The following CSMD1 variants were observed in gnomAD, a reference collection of about 807,000 sequenced individuals.
CSMD1 encodes the protein CUB and Sushi multiple domains 1.
A neutral mutation model predicts 417.5 loss-of-function variants in CSMD1; 213 were observed. That is an observed-to-expected ratio of 0.51 (90% confidence interval 0.46 to 0.57). CSMD1 has a LOEUF of 0.57. Among genes scored for constraint, CSMD1 ranks in the 20% least tolerant of loss-of-function variants. CSMD1 has a pLI of 0.00. For missense variants in CSMD1, 6,923 were observed against 4,529.7 expected (o/e 1.53, Z -15.17); for synonymous variants, 2,862 against 1,736.8 (o/e 1.65, Z -16.11).
intron 16 of CSMD1, among the ~76,000 whole-genome samples, chr8:3,396,927 G>A (rs747942065): frequency 6.6e-6 from 1 of 151,860 alleles, no homozygotes; most frequent in African/African-American, 2.4e-5. Flanking sequence ...ACTCTTTCAA[G>A]ACATTAGAAC....
intron 1 of CSMD1, among the ~76,000 whole-genome samples, chr8:4,738,981 G>A (rs1810426694): frequency 6.6e-6 from 1 of 151,252 alleles, no homozygotes; most frequent in South Asian, 2.1e-4. Flanking sequence ...CCTTCTCTTG[G>A]GAAAATAATC....
At chr8:3,644,350 G>T (rs942377162) in intron 7 of CSMD1, among the ~76,000 whole-genome samples, 1 of 152,194 alleles carries the variant, frequency 6.6e-6, no homozygotes, top group Admixed American at 6.5e-5. Flanking sequence ...CTTGTGTCAT[G>T]TCTGGCTCTA....
At chr8:4,029,868 T>C (rs955323590) in intron 4 of CSMD1, among the ~76,000 whole-genome samples, 1 of 151,520 alleles carries the variant, frequency 6.6e-6, no homozygotes, top group Non-Finnish European at 1.5e-5. Flanking sequence ...ATTGGGTAAA[T>C]ACAGCCATTC....
chr8:3,332,851 G>C (rs901050268), intron 23 of CSMD1, among the ~76,000 whole-genome samples: 2 of 152,160 alleles, frequency 1.3e-5, no homozygotes, highest in Non-Finnish European at 2.9e-5. Flanking sequence ...CCTTGAGTGT[G>C]GGCACAGTCT....
rs78815854 is a variant in CSMD1, at chr8:4,687,366, T to A, written c.86-49808A>T. On this transcript the variant is annotated intron_variant, in intron 1 of 69. Transcript: ENST00000635120. Reference sequence around the variant, plus strand: ...TCGAACAGGACTAAAGTACATTAAGTAACGTGATATAGCTTACAAATGTCA... The same window carrying A: ...TCGAACAGGACTAAAGTACATTAAGAAACGTGATATAGCTTACAAATGTCA... 3.5e-3 allele frequency among the ~76,000 whole-genome samples: 535 copies of A among 152,270 alleles called. 1 individual carries two copies. The highest frequency in any genetic ancestry group is 5.8e-3 in the Non-Finnish European group (395 of 68,024).
In CSMD1 at chr8:3,908,399, G is replaced by C. The variant is rs533049302; in HGVS notation, c.818+89504C>G. Among the ~76,000 whole-genome samples the C allele has an allele frequency of 2.6e-5, 4 of 152,138 alleles. No individual in the cohort carries two copies. The South Asian group carries it at 8.3e-4, about 31-fold the overall frequency. On this transcript the variant is annotated intron_variant, in intron 5 of 69. Coordinates refer to ENST00000635120, the MANE Select transcript of CSMD1 (RefSeq NM_033225.6). ...TTCCCAATGGGAATCTGATAAATTT[G>C]CATCAGCATTCTGTGGGAATGTAAG... is the stretch of plus-strand genomic sequence containing the variant.
chr8:3,960,195 C>A (rs1261787851), intron 5 of CSMD1, among the ~76,000 whole-genome samples: 2 of 152,122 alleles, frequency 1.3e-5, no homozygotes, highest in African/African-American at 4.8e-5. Flanking sequence ...GTGAATTTTT[C>A]TTTCAATCAT....
chr8:4,230,852 C>T (rs541036373), intron 3 of CSMD1, among the ~76,000 whole-genome samples: 10 of 152,078 alleles, frequency 6.6e-5, no homozygotes, highest in East Asian at 3.9e-4. Context: ...TAGGAACAAT[C>T]GATTATAGAT....
intron 3 of CSMD1, among the ~76,000 whole-genome samples, chr8:4,032,454 G>A (rs1379283016): frequency 2.0e-5 from 3 of 152,176 alleles, no homozygotes; most frequent in Non-Finnish European, 2.9e-5. Context: ...TCAGCAACCA[G>A]ACACAGTAGA....
At chr8:4,993,907 G>T (rs1168114895) in intron 1 of CSMD1, among the ~76,000 whole-genome samples, 1 of 152,082 alleles carries the variant, frequency 6.6e-6, no homozygotes, top group African/African-American at 2.4e-5. Flanking sequence ...GGCTTCACCC[G>T]GGACGCTTTC....
At chr8:3,158,849 A>C (rs550970497) in intron 38 of CSMD1, among the ~76,000 whole-genome samples, 1 of 152,268 alleles carries the variant, frequency 6.6e-6, no homozygotes, top group East Asian at 1.9e-4. Flanking sequence ...CAATTGAAAA[A>C]CAATATCTAA....
Position 3,732,546 on chromosome 8 carries a change from A to G in CSMD1, c.931+21384T>C, listed in dbSNP as rs148005126. On this transcript the variant is annotated intron_variant, in intron 6 of 69. Transcript: ENST00000635120. Reference sequence around the variant, plus strand: ...CTGAGACTCTGTATAATTTCTTAGTACATTCTACTAAACACCCTGACTTTA... The same window carrying G: ...CTGAGACTCTGTATAATTTCTTAGTGCATTCTACTAAACACCCTGACTTTA... 3.6e-3 allele frequency among the ~76,000 whole-genome samples: 547 copies of G among 152,336 alleles called. 5 individuals carry two copies. The highest frequency in any genetic ancestry group is 0.013 in the African/African-American group (521 of 41,576).
chr8:4,577,461 C>T (rs990597308), intron 2 of CSMD1, among the ~76,000 whole-genome samples: 1 of 152,162 alleles, frequency 6.6e-6, no homozygotes, highest in Non-Finnish European at 1.5e-5. Context: ...CAGCTCCAAG[C>T]GTGCTCCCCT....
intron 5 of CSMD1, among the ~76,000 whole-genome samples, chr8:3,900,088 G>A (rs1007255311): frequency 4.0e-5 from 6 of 151,812 alleles, no homozygotes; most frequent in Non-Finnish European, 8.8e-5. Flanking sequence ...CAGTGCAGCT[G>A]TGTGATGGTG....
At chr8:4,823,726 G>A (rs1001581443) in intron 1 of CSMD1, among the ~76,000 whole-genome samples, 1 of 151,888 alleles carries the variant, frequency 6.6e-6, no homozygotes, top group Admixed American at 6.6e-5. Context: ...AGATACTACA[G>A]AAGTGAAATG....
Position 4,225,474 on chromosome 8 carries a change from G to T in CSMD1, c.416-193375C>A, listed in dbSNP as rs541423729. 3.4e-5 allele frequency among the ~76,000 whole-genome samples: 5 copies of T among 148,236 alleles called. No individual in the cohort carries two copies. In the South Asian group the frequency reaches 1.1e-3, roughly 32 times the overall value. ...TAGAAATAACAATAAAATACAAAAT[G>T]CTTCAAGTTTATATAAAGCAACTCA... On this transcript the variant is annotated intron_variant, in intron 3 of 69. Transcript: ENST00000635120.
chr8:4,728,814 T>C (rs777152833), intron 1 of CSMD1, among the ~76,000 whole-genome samples: 10 of 151,886 alleles, frequency 6.6e-5, no homozygotes, highest in Non-Finnish European at 1.2e-4. Flanking sequence ...ACTCCTTTAG[T>C]TCAAAACACC....
At chr8:3,190,406 G>C (rs1796344515) in intron 33 of CSMD1, among the ~76,000 whole-genome samples, 1 of 152,120 alleles carries the variant, frequency 6.6e-6, no homozygotes, top group Admixed American at 6.5e-5. Flanking sequence ...CTTCAGATGA[G>C]GAAAACGGCA....
rs187792480 is a variant in CSMD1, at chr8:4,587,440, T to C, written c.302+49902A>G. On this transcript the variant is annotated intron_variant, in intron 2 of 69. Coordinates refer to ENST00000635120, the MANE Select transcript of CSMD1 (RefSeq NM_033225.6). Reference sequence around the variant, plus strand: ...ATGTACATGTATATGTGGATATATATGTATATGTACATATATATGTATATG... The same window carrying C: ...ATGTACATGTATATGTGGATATATACGTATATGTACATATATATGTATATG... Among the ~76,000 whole-genome samples the C allele has an allele frequency of 2.1e-4, 32 of 151,916 alleles. No homozygotes were observed. The East Asian group carries it at 5.0e-3, about 24-fold the overall frequency.
Sources: gnomAD v4.1 joint callset for allele counts (sites outside exome capture counted in the v4.1 genomes callset) on GRCh38, gnomAD v4.1.1 for gene constraint, MANE v1.5 for transcripts, NCBI Gene and HGNC (gene_info 2026-07-23, HGNC 2026-07-21) for gene names.